CREBBP: variants seen among roughly 807,000 people sequenced by gnomAD.
CREBBP encodes the protein CREB binding lysine acetyltransferase.
A neutral mutation model predicts 265.0 loss-of-function variants in CREBBP; 19 were observed. That is an observed-to-expected ratio of 0.07 (90% confidence interval 0.05 to 0.11). CREBBP has a LOEUF of 0.11. Among genes scored for constraint, CREBBP ranks in the 10% least tolerant of loss-of-function variants. The pLI is 1.00. For synonymous variants in CREBBP, 1,457 were observed against 1,223.7 expected (o/e 1.19, Z -3.98); for missense variants, 2,525 against 3,219.0 (o/e 0.78, Z 5.22).
At chr16:3,835,576 C>CTTTTTTTT (rs1021938849) in intron 2 of CREBBP, among the ~76,000 whole-genome samples, 1 of 117,488 alleles carries the variant, frequency 8.5e-6, no homozygotes, top group Non-Finnish European at 1.8e-5. Context: ...AAGATTTCTT[C>CTTTTTTTT]TTTTTTTTTT....
chr16:3,736,019 CAG>C lies in CREBBP; in HGVS notation c.4728+15_4728+16del. 6.2e-7 allele frequency: 1 copy of C among 1,614,230 alleles called. No homozygotes were observed. Among genetic ancestry groups the C allele is most frequent in the Non-Finnish European group, 8.5e-7 (1 of 1,180,046 alleles). On this transcript the variant is annotated intron_variant, in intron 28 of 30. Transcript: ENST00000262367. ...AGCGGGACACGTGGGCAATGGAGCT[CAG>C]AGAAGGGTCTGTACCTCAGTGGTTT...
Position 3,726,851 on chromosome 16 carries a change from G to T in CREBBP, c.*867C>A, listed in dbSNP as rs2051759115. Reference sequence around the variant, plus strand: ...TTGCACACAGTTTATTTAACAATATGATATAAGAAATGAGTTGGTATTTTA... The same window carrying T: ...TTGCACACAGTTTATTTAACAATATTATATAAGAAATGAGTTGGTATTTTA... On this transcript the variant is annotated 3_prime_UTR_variant, in exon 31 of 31. Transcript: ENST00000262367. 1 of 233,490 alleles carries T rather than the reference G, an allele frequency of 4.3e-6. No individual in the cohort carries two copies. The highest frequency in any genetic ancestry group is 8.5e-6 in the Non-Finnish European group (1 of 117,972). The allele number at this position is 233,490 out of a possible 1,614,324, so 14.5% of individuals were successfully genotyped here.
chr16:3,772,917 A>AG, intron 13 of CREBBP, among the ~76,000 whole-genome samples: 1 of 134,976 alleles, frequency 7.4e-6, no homozygotes, highest in Non-Finnish European at 1.6e-5. Flanking sequence ...TAAAAATACA[A>AG]AAAAAAAAAA....
chr16:3,810,036 T>C (rs1567330794), intron 3 of CREBBP, among the ~76,000 whole-genome samples: 1 of 152,146 alleles, frequency 6.6e-6, no homozygotes, highest in African/African-American at 2.4e-5. Flanking sequence ...AAAGGAGATA[T>C]TTTCCCATTA....
rs2052062040 is a variant in CREBBP, at chr16:3,736,388, C to T, written c.4561-185G>A. On this transcript the variant is annotated intron_variant, in intron 27 of 30. Coordinates refer to ENST00000262367, the MANE Select transcript of CREBBP (RefSeq NM_004380.3). ...CACCCCCCACCACAGTGCTGGAGCCCCTATGTGTGCAACAGTGATGCACAG... is the reference window on the plus strand; with the variant it reads ...CACCCCCCACCACAGTGCTGGAGCCTCTATGTGTGCAACAGTGATGCACAG... 3.4e-5 allele frequency: 26 copies of T among 759,046 alleles called. No individual in the cohort carries two copies. In the Admixed American group the frequency reaches 5.5e-4, roughly 16 times the overall value. 47.0% of individuals were successfully genotyped at this position (759,046 alleles called of 1,614,324 possible). A position where few individuals can be genotyped will look rare whatever the true frequency, so the allele number is the denominator to read the frequency against.
intron 1 of CREBBP, among the ~76,000 whole-genome samples, chr16:3,870,849 T>C (rs996379268): frequency 1.3e-5 from 2 of 151,944 alleles, no homozygotes; most frequent in African/African-American, 4.8e-5. Flanking sequence ...TGTACCAAGA[T>C]AATCAAAGTA....
In CREBBP at chr16:3,870,037, T is replaced by C. The variant is rs372246619; in HGVS notation, c.85+9795A>G. Among the ~76,000 whole-genome samples the C allele has an allele frequency of 5.9e-5, 9 of 152,302 alleles. No individual in the cohort carries two copies. In the South Asian group the frequency reaches 1.2e-3, roughly 21 times the overall value. ...AACCTATCAATATGTTATGTCTTTT[T>C]GTTATTTTCAATAAAGGTGACGTTC... is the stretch of plus-strand genomic sequence containing the variant. On this transcript the variant is annotated intron_variant, in intron 1 of 30. Transcript: ENST00000262367.
rs760307939 is a variant in CREBBP at position 3,729,530 on chromosome 16, G to A, written c.5517C>T (p.Pro1839=). 1.5e-5 allele frequency: 25 copies of A among 1,614,048 alleles called. No homozygotes were observed. The highest frequency in any genetic ancestry group is 4.5e-5 in the East Asian group (2 of 44,880). ...HAKHCQENKC[P]VPFCLNIKHK... ...GTTTGATGTTGAGGCAGAAGGGCACGGGGCATTTGTTTTCTTGGCAGTGCT... is the reference window on the plus strand; with the variant it reads ...GTTTGATGTTGAGGCAGAAGGGCACAGGGCATTTGTTTTCTTGGCAGTGCT... The change falls in exon 31 of 31, where the codon CCC becomes CCT. Residue 1839 remains proline, a synonymous_variant. Coordinates refer to ENST00000262367, the MANE Select transcript of CREBBP (RefSeq NM_004380.3).
At chr16:3,855,508 G>GC (rs2054942635) in intron 1 of CREBBP, among the ~76,000 whole-genome samples, 1 of 152,100 alleles carries the variant, frequency 6.6e-6, no homozygotes, top group Non-Finnish European at 1.5e-5. Context: ...CAGGTGATCC[G>GC]CCCGCCTAAG....
At chr16:3,847,838 A>G (rs532155677) in intron 2 of CREBBP, among the ~76,000 whole-genome samples, 2 of 152,352 alleles carry the variant, frequency 1.3e-5, no homozygotes, top group East Asian at 3.9e-4. Flanking sequence ...AGGCATATCA[A>G]CTAACTGAAA....
At chr16:3,778,343 C>T (rs944133392) in intron 9 of CREBBP, among the ~76,000 whole-genome samples, 161 bp from the exon 10 acceptor site, 13 of 152,168 alleles carry the variant, frequency 8.5e-5, no homozygotes, top group African/African-American at 3.1e-4. Context: ...TTGCTGAATT[C>T]CCAATGACTT....
chr16:3,803,622 G>A (rs1420466086), intron 3 of CREBBP, among the ~76,000 whole-genome samples: 1 of 152,118 alleles, frequency 6.6e-6, no homozygotes, highest in East Asian at 1.9e-4. Context: ...GCTAAGGGGA[G>A]CAGGAAAGCC....
intron 2 of CREBBP, among the ~76,000 whole-genome samples, chr16:3,818,590 C>T (rs1423400682): frequency 6.6e-6 from 1 of 152,126 alleles, no homozygotes; most frequent in African/African-American, 2.4e-5. Context: ...TCCCAAAGGG[C>T]TGGGATTACA....
intron 1 of CREBBP, among the ~76,000 whole-genome samples, chr16:3,864,600 A>T (rs929577690): frequency 2.0e-5 from 3 of 152,308 alleles, no homozygotes; most frequent in East Asian, 1.9e-4. Context: ...GTGAGTCAAG[A>T]TCACGTCACT....
chr16:3,829,469 T>C (rs955421106), intron 2 of CREBBP, among the ~76,000 whole-genome samples: 11 of 152,202 alleles, frequency 7.2e-5, no homozygotes, highest in African/African-American at 2.7e-4. Flanking sequence ...TAACTAAGTG[T>C]GCAGGACTAC....
intron 2 of CREBBP, among the ~76,000 whole-genome samples, chr16:3,835,537 CAA>C (rs1332760935): frequency 7.1e-6 from 1 of 140,132 alleles, no homozygotes; most frequent in African/African-American, 2.6e-5. Flanking sequence ...TCTATGCCCA[CAA>C]AAAAAGCTGT....
At chr16:3,790,629 C>T (rs889405088) in intron 5 of CREBBP, among the ~76,000 whole-genome samples, 3 of 152,080 alleles carry the variant, frequency 2.0e-5, no homozygotes, top group African/African-American at 4.8e-5. Flanking sequence ...GGATTACAGG[C>T]GTGAGCCATT....
At chr16:3,792,571 A>T (rs1037814497) in intron 4 of CREBBP, among the ~76,000 whole-genome samples, 1 of 152,206 alleles carries the variant, frequency 6.6e-6, no homozygotes, top group Non-Finnish European at 1.5e-5. Context: ...TCGAGAGGCT[A>T]ACTGACCCTG....
chr16:3,792,409 G>A (rs1217724519), intron 4 of CREBBP, among the ~76,000 whole-genome samples: 1 of 152,186 alleles, frequency 6.6e-6, no homozygotes, highest in African/African-American at 2.4e-5. Context: ...ACAAATAATA[G>A]TTCTGTGATG....
Sources: gnomAD v4.1 joint callset for allele counts (sites outside exome capture counted in the v4.1 genomes callset) on GRCh38, gnomAD v4.1.1 for gene constraint, MANE v1.5 for transcripts, NCBI Gene and HGNC (gene_info 2026-07-23, HGNC 2026-07-21) for gene names.